CTNNA2: variants seen among roughly 807,000 people sequenced by gnomAD.
The protein encoded by CTNNA2 is catenin alpha-2.
CTNNA2 carries 42 observed loss-of-function variants against 101.0 expected under a neutral mutation model. The ratio of observed to expected loss-of-function variants is 0.42; its 90% CI spans 0.32 to 0.54. The LOEUF is 0.54. Ranked by LOEUF, CTNNA2 falls within the 20% of genes least tolerant of loss-of-function variation. CTNNA2 has a pLI of 0.14. For synonymous variants in CTNNA2, 450 were observed against 456.4 expected (o/e 0.99, Z 0.18); for missense variants, 871 against 1,223.1 (o/e 0.71, Z 4.29).
chr2:79,668,700 AAC>A (rs1317296636), intron 2 of CTNNA2, among the ~76,000 whole-genome samples: 2 of 152,348 alleles, frequency 1.3e-5, no homozygotes, highest in South Asian at 2.1e-4. Context: ...TGTTAAAAAT[AAC>A]ACAGTGTCAC....
intron 1 of CTNNA2, among the ~76,000 whole-genome samples, chr2:79,620,363 G>A (rs990210493): frequency 6.6e-6 from 1 of 152,062 alleles, no homozygotes; most frequent in African/African-American, 2.4e-5. Flanking sequence ...GAACCTCCTT[G>A]TCCTGCTCAC....
At chr2:80,347,925 T>A (rs575253685) in intron 7 of CTNNA2, among the ~76,000 whole-genome samples, 2 of 151,982 alleles carry the variant, frequency 1.3e-5, no homozygotes, top group East Asian at 1.9e-4. Flanking sequence ...GGGGAGTTTT[T>A]AAAATACTGA....
At chr2:80,131,878 C>A (rs968682833) in intron 7 of CTNNA2, among the ~76,000 whole-genome samples, 1 of 151,996 alleles carries the variant, frequency 6.6e-6, no homozygotes, top group African/African-American at 2.4e-5. Flanking sequence ...GACAGGAGTT[C>A]GAGACCAGCC....
At chr2:79,689,506 C>T (rs1684150247) in intron 2 of CTNNA2, among the ~76,000 whole-genome samples, 2 of 151,962 alleles carry the variant, frequency 1.3e-5, no homozygotes, top group South Asian at 4.1e-4. Flanking sequence ...GAAAATTTCT[C>T]TCTGGAAGAA....
chr2:79,546,079 T>C (rs1005214827), intron 1 of CTNNA2, among the ~76,000 whole-genome samples: 5 of 152,138 alleles, frequency 3.3e-5, no homozygotes, highest in African/African-American at 1.2e-4. Context: ...AAACTCTAGT[T>C]GCTGTTCTTA....
At chr2:80,448,264 A>G (rs17019192) in intron 9 of CTNNA2, among the ~76,000 whole-genome samples, 10,190 of 152,298 alleles carry the variant, frequency 0.067, 1,100 homozygotes, top group African/African-American at 0.23. Context: ...GGATTTACTA[A>G]GCAAGGGAGG....
At chr2:80,608,553 GAAAACTAATTTT>G (rs1698211496) in intron 17 of CTNNA2, 5 of 341,250 alleles carry the variant, frequency 1.5e-5, no homozygotes, top group African/African-American at 6.2e-5. Flanking sequence ...TTCTTCACAA[GAAAACTAATTTT>G]GTAGTCTGGA....
intron 7 of CTNNA2, among the ~76,000 whole-genome samples, chr2:80,290,803 T>A (rs1188343917): frequency 2.0e-5 from 3 of 151,448 alleles, no homozygotes; most frequent in Non-Finnish European, 2.9e-5. Context: ...ATGAATTCGG[T>A]AAAAAGAAAA....
At chr2:79,539,357 C>T (rs1276997878) in intron 1 of CTNNA2, among the ~76,000 whole-genome samples, 2 of 152,132 alleles carry the variant, frequency 1.3e-5, no homozygotes, top group East Asian at 3.8e-4. Context: ...TCGAGAAGGC[C>T]ATTGGAAATG....
chr2:80,274,055 C>T (rs1246580971), intron 7 of CTNNA2, among the ~76,000 whole-genome samples: 2 of 152,120 alleles, frequency 1.3e-5, no homozygotes, highest in Non-Finnish European at 2.9e-5. Flanking sequence ...AGTTTTTAAA[C>T]AAATTGCTTT....
chr2:79,389,103 A>G (rs1431446421), intron 4 of CTNNA2, among the ~76,000 whole-genome samples: 3 of 152,234 alleles, frequency 2.0e-5, no homozygotes, highest in African/African-American at 7.2e-5. Flanking sequence ...ATTATCTTTT[A>G]AAGAAGAATT....
chr2:80,030,018 G>A lies in CTNNA2; in HGVS notation c.1056+120221G>A, dbSNP rs868517143. Among the ~76,000 whole-genome samples, 12 of 152,160 alleles carry A rather than the reference G, an allele frequency of 7.9e-5. No homozygotes were observed. In the Middle Eastern group the frequency reaches 0.014, roughly 174 times the overall value. On this transcript the variant is annotated intron_variant, in intron 7 of 18. Coordinates refer to ENST00000402739, the MANE Select transcript of CTNNA2 (RefSeq NM_001282597.3). ...GCTAAGACCCCAAGGGGTGCTTGGA[G>A]AAATCACCCAGTTTGGGGGAAATAA...
At chr2:79,311,905 T>C (rs1012552003) in intron 2 of CTNNA2, among the ~76,000 whole-genome samples, 4 of 152,210 alleles carry the variant, frequency 2.6e-5, no homozygotes, top group African/African-American at 4.8e-5. Context: ...CTTATTTTTG[T>C]TTTTGTTTTT....
At chr2:79,822,458 A>G (rs1165406460) in intron 3 of CTNNA2, among the ~76,000 whole-genome samples, 1 of 152,158 alleles carries the variant, frequency 6.6e-6, no homozygotes, top group East Asian at 1.9e-4. Context: ...CACTGTGTCA[A>G]CATCCTATTC....
At chr2:79,772,292 C>A (rs1261735287) in intron 3 of CTNNA2, among the ~76,000 whole-genome samples, 2 of 152,182 alleles carry the variant, frequency 1.3e-5, no homozygotes, top group Non-Finnish European at 2.9e-5. Context: ...CTCCACTCCC[C>A]ATCCCTGAAG....
intron 16 of CTNNA2, among the ~76,000 whole-genome samples, chr2:80,604,442 C>A (rs1483892154): frequency 3.9e-5 from 6 of 151,914 alleles, no homozygotes; most frequent in Non-Finnish European, 7.4e-5. Flanking sequence ...ACATCAGCCC[C>A]TGAAGAGTCA....
chr2:80,194,320 C>T (rs146277737), intron 7 of CTNNA2, among the ~76,000 whole-genome samples: 12 of 152,274 alleles, frequency 7.9e-5, no homozygotes, highest in Non-Finnish European at 1.6e-4. Flanking sequence ...GCCAAGAGAG[C>T]AGTGATACCG....
intron 3 of CTNNA2, among the ~76,000 whole-genome samples, chr2:79,807,435 A>G (rs1286372091): frequency 6.6e-6 from 1 of 152,176 alleles, no homozygotes; most frequent in Non-Finnish European, 1.5e-5. Context: ...CATATTAAAA[A>G]CATATTTCTG....
At chr2:80,642,668 A>G (rs1445438111) in intron 18 of CTNNA2, among the ~76,000 whole-genome samples, 1 of 152,224 alleles carries the variant, frequency 6.6e-6, no homozygotes, top group Non-Finnish European at 1.5e-5. Context: ...CTGTTGCAGC[A>G]TAAGTCCTGT....
Sources: allele counts gnomAD v4.1 joint callset (sites outside exome capture counted in the v4.1 genomes callset), GRCh38; gene constraint gnomAD v4.1.1; transcripts MANE v1.5; gene names NCBI Gene and HGNC (gene_info 2026-07-23, HGNC 2026-07-21).